The following PSME4 variants were observed in gnomAD, a reference collection of about 807,000 sequenced individuals.
PSME4 encodes the protein proteasome activator complex subunit 4.
A neutral mutation model predicts 253.9 loss-of-function variants in PSME4; 89 were observed. That is an observed-to-expected ratio of 0.35 (90% CI 0.30 to 0.42). The LOEUF (loss-of-function observed/expected upper bound fraction) is 0.42, where lower values mean the gene tolerates loss of function less well. Ranked by LOEUF, PSME4 falls within the 10% of genes least tolerant of loss-of-function variation. PSME4 has a pLI of 1.00. For synonymous variants in PSME4, 851 were observed against 759.2 expected (o/e 1.12, Z -1.99); for missense variants, 2,014 against 2,195.2 (o/e 0.92, Z 1.65).
chr2:53,924,641 T>G (rs1353409785), intron 14 of PSME4, among the ~76,000 whole-genome samples: 1 of 152,222 alleles, frequency 6.6e-6, no homozygotes, highest in Non-Finnish European at 1.5e-5. Context: ...TTATTTATTA[T>G]ACTTTAAGTT....
intron 29 of PSME4, 129 bp from the exon 30 acceptor site, chr2:53,898,483 G>T: frequency 1.5e-6 from 1 of 654,216 alleles, no homozygotes; most frequent in Non-Finnish European, 2.5e-6. Flanking sequence ...GACTGTAAAC[G>T]GCCTGATGAG....
At chr2:53,870,536 ATT>A (rs969614511) in intron 43 of PSME4, 8 of 143,058 alleles carry the variant, frequency 5.6e-5, no homozygotes, top group Non-Finnish European at 9.2e-5. Context: ...ACCATGGCTA[ATT>A]TTTTTTTTTT....
intron 3 of PSME4, among the ~76,000 whole-genome samples, chr2:53,947,953 T>C (rs1436631531): frequency 6.6e-6 from 1 of 150,986 alleles, no homozygotes; most frequent in Non-Finnish European, 1.5e-5. Context: ...GAAGTGGAGG[T>C]TGCAGTGAGC....
Position 53,869,108 on chromosome 2 carries a change from A to G in PSME4, c.5263+268T>C, listed in dbSNP as rs1678744883. On this transcript the variant is annotated intron_variant, in intron 44 of 46. Coordinates refer to ENST00000404125, the MANE Select transcript of PSME4 (RefSeq NM_014614.3). ...TAATTCTGAATATCTCTTTTTTATG[A>G]AGCTATTCTGGGCGGAGGGTAGACT... Among the ~76,000 whole-genome samples, 6 of 152,154 alleles carry G rather than the reference A, an allele frequency of 3.9e-5. No homozygotes were observed. In the South Asian group the frequency reaches 1.2e-3, roughly 31 times the overall value.
intron 10 of PSME4, among the ~76,000 whole-genome samples, chr2:53,928,533 CGA>C (rs945518887): frequency 5.3e-5 from 8 of 151,978 alleles, no homozygotes; most frequent in Admixed American, 2.0e-4. Context: ...GTCCTGAGAA[CGA>C]GAGACCATAT....
chr2:53,891,505 T>C (rs1281992379), intron 36 of PSME4, among the ~76,000 whole-genome samples: 1 of 152,064 alleles, frequency 6.6e-6, no homozygotes, highest in South Asian at 2.1e-4. Flanking sequence ...CCCATAAACA[T>C]GAACAGTTAC....
At position 53,869,361 on chromosome 2, in the gene PSME4, T is replaced by A. The variant is rs780444459; in HGVS notation, c.5263+15A>T. The A allele has an allele frequency of 6.3e-6, 10 of 1,592,164 alleles. No individual in the cohort carries two copies. In the South Asian group the frequency reaches 1.0e-4, roughly 16 times the overall value. ...TTCCCAATAGGATACAGGTGTTTCC[T>A]ACCAGCAATGTTACCTGCAGAAGGA... On this transcript the variant is annotated intron_variant, in intron 44 of 46. Coordinates refer to ENST00000404125, the MANE Select transcript of PSME4 (RefSeq NM_014614.3).
intron 1 of PSME4, among the ~76,000 whole-genome samples, chr2:53,955,638 C>G (rs1421104626): frequency 6.6e-6 from 1 of 152,002 alleles, no homozygotes; most frequent in African/African-American, 2.4e-5. Context: ...AGAAACAAAA[C>G]AGGCCCAGCA....
intron 40 of PSME4, 102 bp downstream of exon 40, chr2:53,887,157 A>T: frequency 9.5e-7 from 1 of 1,055,636 alleles, no homozygotes; most frequent in South Asian, 1.5e-5. Flanking sequence ...TAAATTTTTC[A>T]TTATGTCTAT....
intron 20 of PSME4, among the ~76,000 whole-genome samples, chr2:53,918,280 G>C (rs973761043): frequency 3.3e-5 from 5 of 152,100 alleles, no homozygotes; most frequent in African/African-American, 1.2e-4. Context: ...AATGGTCTTA[G>C]TATATTTAAA....
intron 43 of PSME4, among the ~76,000 whole-genome samples, chr2:53,872,605 G>A (rs2104411267): frequency 6.6e-6 from 1 of 151,822 alleles, no homozygotes; most frequent in South Asian, 2.1e-4. Flanking sequence ...AATTCCGTGT[G>A]GTGGCAAATA....
intron 27 of PSME4, among the ~76,000 whole-genome samples, chr2:53,901,990 C>A (rs1042046682): frequency 3.3e-5 from 5 of 152,104 alleles, no homozygotes; most frequent in Non-Finnish European, 7.4e-5. Context: ...TCACTTAAGC[C>A]CAAGAGGTTG....
chr2:53,948,092 T>C (rs891858072), intron 3 of PSME4, among the ~76,000 whole-genome samples: 4 of 152,196 alleles, frequency 2.6e-5, no homozygotes, highest in African/African-American at 9.7e-5. Flanking sequence ...ACAGAAATGA[T>C]ACCTGTCAGT....
chr2:53,902,348 T>A (rs1217324360), intron 27 of PSME4, among the ~76,000 whole-genome samples: 3 of 152,226 alleles, frequency 2.0e-5, no homozygotes, highest in African/African-American at 4.8e-5. Context: ...ACCACAATGA[T>A]TCTGATGACA....
At position 53,945,855 on chromosome 2, in the gene PSME4, T is replaced by G. The variant is rs111510705; in HGVS notation, c.500+2566A>C. ...AAGAAAAAACTCAAAATTGTCACAG[T>G]GTAGGTAATGAGTATAGGTAGGTTA... is the stretch of plus-strand genomic sequence containing the variant. On this transcript the variant is annotated intron_variant, in intron 3 of 46. Transcript: ENST00000404125. 7.4e-3 allele frequency among the ~76,000 whole-genome samples: 1,123 copies of G among 152,236 alleles called. 24 individuals carry two copies. Among genetic ancestry groups the G allele is most frequent in the African/African-American group, 0.026 (1,069 of 41,528 alleles).
intron 20 of PSME4, among the ~76,000 whole-genome samples, chr2:53,910,941 T>C (rs1347210430): frequency 6.6e-6 from 1 of 152,210 alleles, no homozygotes; most frequent in Non-Finnish European, 1.5e-5. Context: ...GGCAAGCATA[T>C]ACAGAGTTAA....
At chr2:53,963,218 C>T (rs894946269) in intron 1 of PSME4, among the ~76,000 whole-genome samples, 27 of 151,806 alleles carry the variant, frequency 1.8e-4, no homozygotes, top group African/African-American at 6.3e-4. Flanking sequence ...CCAAGCTAAC[C>T]AGGAGCCTGA....
chr2:53,922,483 C>G (rs954144537), intron 17 of PSME4, 34 bp downstream of exon 17: 6 of 1,596,982 alleles, frequency 3.8e-6, no homozygotes, highest in Non-Finnish European at 4.3e-6. Flanking sequence ...AGTGTTTTCA[C>G]AGTCATGTTT....
chr2:53,940,151 T>C (rs183172104), intron 3 of PSME4, 151 bp from the exon 4 acceptor site: 1 of 563,094 alleles, frequency 1.8e-6, no homozygotes, highest in Non-Finnish European at 2.9e-6. Flanking sequence ...CAAACGGAAC[T>C]GCAAGGATTA....
Sources: gnomAD v4.1 joint callset for allele counts (sites outside exome capture counted in the v4.1 genomes callset) on GRCh38, gnomAD v4.1.1 for gene constraint, MANE v1.5 for transcripts, NCBI Gene and HGNC (gene_info 2026-07-23, HGNC 2026-07-21) for gene names.